Variants in LIPJ observed in about 807,000 individuals in gnomAD.
LIPJ encodes lipase member J.
In LIPJ, 33 loss-of-function variants were observed where a neutral mutation model predicts 39.8. That is an observed-to-expected ratio of 0.83 (90% CI 0.63 to 1.11). LIPJ has a LOEUF of 1.11. LIPJ is among the 50% of genes least tolerant of loss of function. LIPJ has a pLI of 0.00. For synonymous variants in LIPJ, 128 were observed against 139.2 expected (o/e 0.92, Z 0.57); for missense variants, 422 against 427.9 (o/e 0.99, Z 0.12).
At chr10:88,596,982 G>A (rs774181286) in intron 8 of LIPJ, 46 bp downstream of exon 8, 18 of 1,113,830 alleles carry the variant, frequency 1.6e-5, no homozygotes, top group Non-Finnish European at 1.8e-5. Context: ...CCAATATTTG[G>A]AAAGTATAAT....
intron 1 of LIPJ, 76 bp downstream of exon 1, chr10:88,586,921 T>G (rs1850933041): frequency 6.6e-6 from 1 of 152,210 alleles, no homozygotes; most frequent in Non-Finnish European, 1.5e-5. Flanking sequence ...TGTCTTCTTT[T>G]GAGACCTAAC....
intron 9 of LIPJ, among the ~76,000 whole-genome samples, chr10:88,605,156 A>T (rs1851618581): frequency 1.3e-5 from 2 of 152,220 alleles, no homozygotes; most frequent in African/African-American, 2.4e-5. Context: ...TGTCAAGGTC[A>T]TAAGTAACCT....
chr10:88,588,802 G>A (rs2134538427), intron 2 of LIPJ, among the ~76,000 whole-genome samples: 1 of 151,994 alleles, frequency 6.6e-6, no homozygotes, highest in African/African-American at 2.4e-5. Context: ...CATTTCAAGT[G>A]CTCAATGGCC....
intron 9 of LIPJ, 114 bp downstream of exon 9, chr10:88,602,761 T>C: frequency 1.9e-6 from 1 of 526,500 alleles, no homozygotes; most frequent in Non-Finnish European, 3.1e-6. Flanking sequence ...AAGGATAAAA[T>C]GAAATTATTA....
chr10:88,610,475 C>A (rs972806884), downstream of LIPJ, among the ~76,000 whole-genome samples: 3 of 152,126 alleles, frequency 2.0e-5, no homozygotes, highest in Non-Finnish European at 4.4e-5. Flanking sequence ...CCACTCTTCC[C>A]AAATTTATTC....
At chr10:88,583,436 G>A, upstream of LIPJ, 2 of 1,349,582 alleles carry the variant, frequency 1.5e-6, no homozygotes, top group Non-Finnish European at 1.9e-6. Flanking sequence ...CTGTCTTCTC[G>A]CTTTGGGGGC....
At chr10:88,604,246 G>A (rs181985956) in intron 9 of LIPJ, among the ~76,000 whole-genome samples, 1 of 152,146 alleles carries the variant, frequency 6.6e-6, no homozygotes, top group East Asian at 1.9e-4. Flanking sequence ...GGAAACTTAG[G>A]GAAAGGAGGC....
chr10:88,607,783 C>T (rs1471781550), downstream of LIPJ, among the ~76,000 whole-genome samples: 4 of 152,326 alleles, frequency 2.6e-5, no homozygotes, highest in East Asian at 5.8e-4. Flanking sequence ...ACTAAACTCT[C>T]TCTCAAAATT....
At chr10:88,602,292 G>T (rs1258182751) in intron 8 of LIPJ, among the ~76,000 whole-genome samples, 1 of 152,004 alleles carries the variant, frequency 6.6e-6, no homozygotes, top group Admixed American at 6.6e-5. Context: ...AGGTGTATGT[G>T]TATGTGTCTG....
chr10:88,593,646 A>G (rs1464262771), intron 4 of LIPJ: 2 of 202,050 alleles, frequency 9.9e-6, no homozygotes, highest in Non-Finnish European at 2.0e-5. Context: ...GTTACTTAAA[A>G]TGTGTATGAG....
the LIPJ span, among the ~76,000 whole-genome samples, chr10:88,615,794 A>G: frequency 6.6e-6 from 1 of 152,204 alleles, no homozygotes; most frequent in Non-Finnish European, 1.5e-5. Flanking sequence ...GCCTGGAAAT[A>G]TCTACTAAAG....
chr10:88,594,198 T>C, intron 5 of LIPJ, 54 bp downstream of exon 5: 1 of 1,319,392 alleles, frequency 7.6e-7, no homozygotes, highest in African/African-American at 1.5e-5. Flanking sequence ...AAATTTTTCA[T>C]TTTGAATGCA....
At position 88,606,659 on chromosome 10, in the gene LIPJ, C is replaced by G; in HGVS notation, c.868-15C>G. 1 of 1,496,406 alleles carries G rather than the reference C, an allele frequency of 6.7e-7. No homozygotes were observed. The highest frequency in any genetic ancestry group is 9.2e-7 in the Non-Finnish European group (1 of 1,082,500). 92.7% of individuals were successfully genotyped at this position (1,496,406 alleles called of 1,614,324 possible). On this transcript the variant is annotated splice_polypyrimidine_tract_variant and intron_variant, in intron 10 of 10. Transcript: ENST00000371939. ...ATCTCCTATGAAAACTATTTTTTCA[C>G]TCATTTATTTTCAGACAACGTCTCC...
At chr10:88,613,828 A>ATATGTGTGTGTATATATATATATATG in the LIPJ span, among the ~76,000 whole-genome samples, 9 of 117,776 alleles carry the variant, frequency 7.6e-5, no homozygotes, top group South Asian at 1.1e-3. Context: ...ATATATATAT[A>ATATGTGTGTGTATATATATATATATG]TGTGTGTATA....
upstream of LIPJ, among the ~76,000 whole-genome samples, chr10:88,586,600 TTTCTTCATCTC>T (rs1191666899): frequency 1.1e-4 from 16 of 152,160 alleles, no homozygotes; most frequent in Admixed American, 7.9e-4. Context: ...AATGCTTTAT[TTTCTTCATCTC>T]AATCCCTTTT....
chr10:88,602,424 T>C, intron 8 of LIPJ, 152 bp from the exon 9 acceptor site: 1 of 518,796 alleles, frequency 1.9e-6, no homozygotes, highest in Admixed American at 3.6e-5. Context: ...ATAAGTATAT[T>C]TAATTAAAAT....
chr10:88,620,310 CA>C, the LIPJ span, among the ~76,000 whole-genome samples: 1 of 152,154 alleles, frequency 6.6e-6, no homozygotes, highest in Admixed American at 6.5e-5. Context: ...TAGAAAAGTT[CA>C]AATAAGGAGT....
rs774801619 is a variant in LIPJ at position 88,602,604 on chromosome 10, A to G, written c.752A>G (p.Asn251Ser). 4.4e-6 allele frequency: 7 copies of G among 1,592,946 alleles called. No homozygotes were observed. The South Asian group carries it at 6.9e-5, about 16-fold the overall frequency. ...CGTTTGGATGTGTATTTTTCACACA[A>G]CCCAGCAGGAACATCTGTTCAAAAT... is the stretch of plus-strand genomic sequence containing the variant. The change falls in exon 9 of 11, where the codon AAC (asparagine) becomes AGC (serine). Residue 251 changes from asparagine (N) to serine (S), a missense_variant. Transcript: ENST00000371939.
the LIPJ span, chr10:88,618,793 T>C: frequency 7.3e-3 from 1,306 of 178,240 alleles, 18 homozygotes; most frequent in African/African-American, 0.029. Flanking sequence ...AGCTTTTTCA[T>C]AGATAAGCTT....
Sources: gnomAD v4.1 joint callset for allele counts (sites outside exome capture counted in the v4.1 genomes callset) on GRCh38, gnomAD v4.1.1 for gene constraint, MANE v1.5 for transcripts, NCBI Gene and HGNC (gene_info 2026-07-23, HGNC 2026-07-21) for gene names.